The following VASH2 variants were observed in gnomAD, a reference collection of about 807,000 sequenced individuals.
VASH2 encodes the protein vasohibin 2.
Under a neutral mutation model 37.2 loss-of-function variants are expected in VASH2, and 28 were observed. That is an observed-to-expected ratio of 0.75 (90% CI 0.56 to 1.03). The LOEUF (loss-of-function observed/expected upper bound fraction) is 1.03, where lower values mean the gene tolerates loss of function less well. Ranked by LOEUF, VASH2 falls within the 50% of genes least tolerant of loss-of-function variation. The probability of loss-of-function intolerance (pLI) is 0.00; values close to 1 mark genes in which losing one functional copy is unlikely to be tolerated. For synonymous variants in VASH2, 188 were observed against 174.7 expected, an observed-to-expected ratio of 1.08 and a Z score of -0.60; for missense variants, 419 against 459.1, an observed-to-expected ratio of 0.91 and a Z score of 0.80.
At chr1:212,956,532 G>C (rs1229838257) in intron 2 of VASH2, among the ~76,000 whole-genome samples, 1 of 152,192 alleles carries the variant, frequency 6.6e-6, no homozygotes, top group East Asian at 1.9e-4. Context: ...AGGTAGTACA[G>C]CAATTGATGA....
At chr1:212,983,405 G>A (rs964310913) in intron 7 of VASH2, among the ~76,000 whole-genome samples, 1 of 152,244 alleles carries the variant, frequency 6.6e-6, no homozygotes, top group Non-Finnish European at 1.5e-5. Flanking sequence ...GGCAAAGAGA[G>A]GGAGAGAGGA....
chr1:212,957,772 A>G lies in VASH2; in HGVS notation c.277-3394A>G, dbSNP rs184612342. Among the ~76,000 whole-genome samples the G allele has an allele frequency of 3.9e-3, 595 of 152,076 alleles. 4 individuals carry two copies. Among genetic ancestry groups the G allele is most frequent in the African/African-American group, 0.014 (561 of 41,494 alleles). On this transcript the variant is annotated intron_variant, in intron 2 of 7. Transcript: ENST00000517399. ...TTTACAGGCGCCTACCACCATGCCCAGCTGATTTTTGTATTTTTAGTTTCG... is the reference window on the plus strand; with the variant it reads ...TTTACAGGCGCCTACCACCATGCCCGGCTGATTTTTGTATTTTTAGTTTCG...
chr1:212,956,033 G>A (rs1430089230), intron 2 of VASH2, among the ~76,000 whole-genome samples: 1 of 152,246 alleles, frequency 6.6e-6, no homozygotes, highest in Non-Finnish European at 1.5e-5. Flanking sequence ...AGTGTTTTCA[G>A]AGTAGGGATG....
chr1:212,987,438 G>A (rs1259289874), intron 7 of VASH2, among the ~76,000 whole-genome samples: 2 of 152,038 alleles, frequency 1.3e-5, no homozygotes, highest in Non-Finnish European at 2.9e-5. Context: ...GCCAGGTGTG[G>A]TGGCACATGC....
In VASH2 at chr1:212,972,775, C is replaced by T; in HGVS notation, c.693C>T (p.Asp231=). 6.2e-7 allele frequency: 1 copy of T among 1,614,212 alleles called. No homozygotes were observed. The highest frequency in any genetic ancestry group is 8.5e-7 in the Non-Finnish European group (1 of 1,180,034). ...TFRTLSDLIF[D]FEDSYKKYLH... ...GGACTCTGAGTGACCTCATCTTTGA[C>T]TTTGAGGACTCTTACAAGAAATACC... The change falls in exon 6 of 8, where the codon GAC becomes GAT. Residue 231 remains aspartate (D), a synonymous_variant. Transcript: ENST00000517399.
intron 7 of VASH2, among the ~76,000 whole-genome samples, chr1:212,987,974 ACT>A (rs1356741946): frequency 1.3e-5 from 2 of 152,208 alleles, no homozygotes; most frequent in Non-Finnish European, 2.9e-5. Context: ...ATGTTTTGCC[ACT>A]GAGTGATTTT....
chr1:212,957,501 C>T (rs1666532850), intron 2 of VASH2, among the ~76,000 whole-genome samples: 1 of 152,162 alleles, frequency 6.6e-6, no homozygotes, highest in African/African-American at 2.4e-5. Flanking sequence ...AGTTGAGTGT[C>T]CAGGGACTCT....
At chr1:212,980,228 T>C (rs916770421) in intron 7 of VASH2, among the ~76,000 whole-genome samples, 10 of 152,212 alleles carry the variant, frequency 6.6e-5, no homozygotes, top group Non-Finnish European at 4.4e-5. Flanking sequence ...GCTTGCTGCC[T>C]ATGAGCTGGC....
intron 7 of VASH2, among the ~76,000 whole-genome samples, chr1:212,977,569 A>AG (rs1488104006): frequency 2.0e-5 from 3 of 151,650 alleles, no homozygotes; most frequent in Non-Finnish European, 2.9e-5. Flanking sequence ...GGGCAAAGGA[A>AG]GGGGGGACAT....
intron 7 of VASH2, among the ~76,000 whole-genome samples, chr1:212,975,442 C>T (rs116004830): frequency 0.021 from 3,231 of 152,312 alleles, 61 homozygotes; most frequent in Middle Eastern, 0.054. Flanking sequence ...ACAGTTTTGG[C>T]ATAGGTTTGT....
intron 7 of VASH2, among the ~76,000 whole-genome samples, chr1:212,980,743 T>C (rs1422245944): frequency 6.6e-6 from 1 of 152,244 alleles, no homozygotes; most frequent in Non-Finnish European, 1.5e-5. Context: ...GTAATTCTCC[T>C]TAGATCCCAA....
At chr1:212,985,666 C>G (rs531744700) in intron 7 of VASH2, among the ~76,000 whole-genome samples, 2 of 152,248 alleles carry the variant, frequency 1.3e-5, no homozygotes, top group East Asian at 3.9e-4. Context: ...ATCCACCCAC[C>G]TCAGCCTCCC....
At chr1:212,972,315 T>G (rs756925465) in intron 5 of VASH2, among the ~76,000 whole-genome samples, 73 of 152,322 alleles carry the variant, frequency 4.8e-4, no homozygotes, top group South Asian at 2.3e-3. Context: ...TATTGTTTTG[T>G]TTTGCATGTA....
intron 7 of VASH2, among the ~76,000 whole-genome samples, chr1:212,985,287 C>T (rs900698902): frequency 1.4e-5 from 2 of 144,958 alleles, no homozygotes; most frequent in African/African-American, 5.2e-5. Flanking sequence ...GTGATCCTCT[C>T]TTCTCAGCCT....
At chr1:212,969,317 C>CCAGCAGCTGGGACAA (rs1350052447) in intron 5 of VASH2, 1 of 492,570 alleles carries the variant, frequency 2.0e-6, no homozygotes, top group Non-Finnish European at 2.6e-6. Context: ...CTCAGCCTCC[C>CCAGCAGCTGGGACAA]CAGCAGCTGG....
Position 212,971,530 on chromosome 1 carries a change from C to A in VASH2, c.498-1050C>A, listed in dbSNP as rs549440370. Among the ~76,000 whole-genome samples, 13 of 152,300 alleles carry A rather than the reference C, an allele frequency of 8.5e-5. No homozygotes were observed. Among genetic ancestry groups the A allele is most frequent in the Admixed American group, 6.5e-4 (10 of 15,308 alleles). On this transcript the variant is annotated intron_variant, in intron 5 of 7. Transcript: ENST00000517399. This position sits in a 1 kb window ranked among gnomAD's most constrained non-coding sequence, Gnocchi z 4.0. The stretch of plus-strand genomic sequence containing the variant: ...CACTGACTTAAGCAGCTAAGGAATG[C>A]CCTTGTTCCAGCCCCAGAGAACTTG...
At chr1:212,965,576 ACT>A in intron 3 of VASH2, 144 bp from the exon 4 acceptor site, 1 of 623,570 alleles carries the variant, frequency 1.6e-6, no homozygotes, top group African/African-American at 1.9e-5. Context: ...GTTAGAGGCT[ACT>A]ACTAGCTACC....
intron 7 of VASH2, among the ~76,000 whole-genome samples, chr1:212,981,071 G>T (rs1260205609): frequency 1.3e-5 from 2 of 152,210 alleles, no homozygotes; most frequent in Admixed American, 1.3e-4. Flanking sequence ...GGCAGACAGG[G>T]TGAGGTTTCC....
chr1:212,950,591 A>G lies in VASH2; in HGVS notation c.-354A>G, dbSNP rs1413080276. On this transcript the variant is annotated 5_prime_UTR_variant, in exon 1 of 8. In the 5' UTR this introduces an upstream ATG that the reference lacks. Transcript: ENST00000517399. This position sits in a 1 kb window ranked among gnomAD's most constrained non-coding sequence, Gnocchi z 5.5. ...GTGACTTGGTTATATGTCACAGAAT[A>G]ACATTCGAGAATGGGACATGGAATG... 6.5e-6 allele frequency: 1 copy of G among 153,282 alleles called. No homozygotes were observed. The highest frequency in any genetic ancestry group is 1.9e-4 in the East Asian group (1 of 5,192). The allele number at this position is 153,282 out of a possible 1,614,324, so 9.5% of individuals were successfully genotyped here.
Sources: gnomAD v4.1 joint callset for allele counts (sites outside exome capture counted in the v4.1 genomes callset) on GRCh38, gnomAD v4.1.1 for gene constraint, Gnocchi (gnomAD v3.1) non-coding constraint, MANE v1.5 for transcripts, NCBI Gene and HGNC (gene_info 2026-07-23, HGNC 2026-07-21) for gene names.